WDR36: variants seen among roughly 807,000 people sequenced by gnomAD.
WDR36 encodes the protein WD repeat-containing protein 36.
WDR36 carries 63 observed loss-of-function variants against 112.7 expected under a neutral mutation model. The ratio of observed to expected loss-of-function variants is 0.56; its 90% CI spans 0.46 to 0.69. The LOEUF is 0.69. Ranked by LOEUF, WDR36 falls within the 30% of genes least tolerant of loss-of-function variation. The pLI is 0.00. For missense variants in WDR36, 1,226 were observed against 1,070.3 expected, an observed-to-expected ratio of 1.15 and a Z score of -2.03; for synonymous variants, 410 against 362.2, an observed-to-expected ratio of 1.13 and a Z score of -1.50.
chr5:111,102,269 C>G, intron 5 of WDR36, 76 bp from the exon 6 acceptor site: 7 of 1,124,136 alleles, frequency 6.2e-6, no homozygotes, highest in Non-Finnish European at 9.1e-6. Context: ...TATTATTTCA[C>G]TTTTTAATGT....
At chr5:111,099,398 A>C (rs2112566910) in intron 4 of WDR36, among the ~76,000 whole-genome samples, 1 of 147,740 alleles carries the variant, frequency 6.8e-6, no homozygotes, top group South Asian at 2.1e-4. Flanking sequence ...GAATCTTTTA[A>C]GTTCTTTAAT....
intron 8 of WDR36, 24 bp downstream of exon 8, chr5:111,104,376 T>A: frequency 1.2e-6 from 2 of 1,611,354 alleles, no homozygotes; most frequent in Non-Finnish European, 1.7e-6. Flanking sequence ...TGTTAACATC[T>A]TCCTGGCTCA....
rs569378344 is a variant in WDR36, at chr5:111,107,303, G to A, written c.1190G>A (p.Arg397His). Reference protein sequence around the residue: ...PITKFAAEEARESDWDGIIAC... With the variant: ...PITKFAAEEAHESDWDGIIAC... Reference sequence around the variant, plus strand: ...TTTCATTACGTTTTAGAGGAAGCTCGTGAAAGTGACTGGGATGGTATCATT... The same window carrying A: ...TTTCATTACGTTTTAGAGGAAGCTCATGAAAGTGACTGGGATGGTATCATT... The change falls in exon 12 of 23, where the codon CGT (arginine) becomes CAT (histidine). Residue 397 changes from arginine to histidine, a missense_variant. Coordinates refer to ENST00000513710, the MANE Select transcript of WDR36 (RefSeq NM_139281.3). 1.1e-5 allele frequency: 18 copies of A among 1,609,654 alleles called. No individual in the cohort carries two copies. The highest frequency in any genetic ancestry group is 4.5e-5 in the East Asian group (2 of 44,720).
At chr5:111,105,260 A>C (rs751944464) in intron 9 of WDR36, 35 bp from the exon 10 acceptor site, 31 of 1,592,596 alleles carry the variant, frequency 1.9e-5, no homozygotes, top group Non-Finnish European at 2.5e-5. Context: ...TGTTTTAATG[A>C]AGCTTGATTA....
rs746318536 is a variant in WDR36 at position 111,121,091 on chromosome 5, C to T, written c.2098C>T (p.Leu700Phe). The stretch of plus-strand genomic sequence containing the variant: ...GAATGAGCAATTGGTGACTCTTTCA[C>T]TTCTTCCTGAATCACGATGGAAAAA... ...QLNEQLVTLSLLPESRWKNLL... is the reference protein window; with the variant it reads ...QLNEQLVTLSFLPESRWKNLL... Residue 700 changes from leucine to phenylalanine, a missense_variant, in exon 19 of 23, where the codon CTT (leucine) becomes TTT (phenylalanine). Transcript: ENST00000513710. 21 of 1,613,500 alleles carry T rather than the reference C, an allele frequency of 1.3e-5. No individual in the cohort carries two copies. The East Asian group carries it at 4.2e-4, about 33-fold the overall frequency.
chr5:111,104,939 T>C, intron 9 of WDR36, 122 bp downstream of exon 9: 1 of 1,473,252 alleles, frequency 6.8e-7, no homozygotes, highest in Non-Finnish European at 9.4e-7. Flanking sequence ...CTTAGAAGTC[T>C]GGGTAAAACT....
At chr5:111,109,706 G>A (rs1753288853) in intron 12 of WDR36, among the ~76,000 whole-genome samples, 1 of 151,252 alleles carries the variant, frequency 6.6e-6, no homozygotes, top group Non-Finnish European at 1.5e-5. Flanking sequence ...TCTCTGTAGT[G>A]TCTTATATAT....
At chr5:111,125,014 G>C (rs1045935996) in intron 21 of WDR36, among the ~76,000 whole-genome samples, 1 of 152,198 alleles carries the variant, frequency 6.6e-6, no homozygotes, top group East Asian at 1.9e-4. Flanking sequence ...AAAAATAGCT[G>C]TAAGTGTACT....
At chr5:111,112,154 A>G (rs12515367) in intron 15 of WDR36, among the ~76,000 whole-genome samples, 39,509 of 151,718 alleles carry the variant, frequency 0.26, 6,066 homozygotes, top group Middle Eastern at 0.43. Context: ...ATTGTGCTGA[A>G]ATGGCACTTT....
intron 12 of WDR36, among the ~76,000 whole-genome samples, chr5:111,109,306 A>C (rs559674608): frequency 1.3e-5 from 2 of 151,456 alleles, no homozygotes; most frequent in African/African-American, 4.8e-5. Flanking sequence ...CTTTTTAACC[A>C]TAGTAATTTC....
Position 111,113,040 on chromosome 5 carries a change from ATATATATATATATT to A in WDR36, c.1717-32_1717-19del. On this transcript the variant is annotated intron_variant, in intron 15 of 22. Coordinates refer to ENST00000513710, the MANE Select transcript of WDR36 (RefSeq NM_139281.3). ...ATATATATTTATATATAAATAATAT[ATATATATATATATT>A]TTTTTTTTTTAATTTAAAGGCTTTT... is the stretch of plus-strand genomic sequence containing the variant. The A allele has an allele frequency of 2.7e-6, 1 of 368,880 alleles. No individual in the cohort carries two copies. Among genetic ancestry groups the A allele is most frequent in the Non-Finnish European group, 3.9e-6 (1 of 254,190 alleles). 22.9% of individuals were successfully genotyped at this position (368,880 alleles called of 1,614,324 possible). A position where few individuals can be genotyped will look rare whatever the true frequency, so the allele number is the denominator to read the frequency against.
chr5:111,107,340 A>G lies in WDR36; in HGVS notation c.1227A>G (p.Gln409=), dbSNP rs751563786. The G allele has an allele frequency of 6.2e-6, 10 of 1,610,600 alleles. No individual in the cohort carries two copies. The highest frequency in any genetic ancestry group is 8.5e-6 in the Non-Finnish European group (10 of 1,177,720). ...GGGATGGTATCATTGCTTGCCATCA[A>G]GGTAAGCTATCTTGCTCAACCTGGA... The part of the protein sequence containing the change: ...SDWDGIIACH[Q]GKLSCSTWNY... The change falls in exon 12 of 23, where the codon CAA becomes CAG. Residue 409 remains glutamine (Q), a synonymous_variant. Transcript: ENST00000513710.
chr5:111,094,835 T>G (rs535342982), intron 1 of WDR36, 85 bp from the exon 2 acceptor site: 3 of 1,090,030 alleles, frequency 2.8e-6, no homozygotes, highest in African/African-American at 3.1e-5. Flanking sequence ...AATATACGTA[T>G]GAGGTTATAT....
rs768299515 is a variant in WDR36 at position 111,128,058 on chromosome 5, CATT to C, written c.*1176_*1178del. The C allele has an allele frequency of 1.5e-4, 29 of 193,366 alleles. No individual in the cohort carries two copies. The highest frequency in any genetic ancestry group is 3.7e-4 in the Admixed American group (6 of 16,230). 12.0% of individuals were successfully genotyped at this position (193,366 alleles called of 1,614,324 possible). On this transcript the variant is annotated 3_prime_UTR_variant, in exon 23 of 23. Coordinates refer to ENST00000513710, the MANE Select transcript of WDR36 (RefSeq NM_139281.3). ...TGGAGTTTTCTTTTTTTCTCATCAT[CATT>C]GTTTTGTTTTTTTTATGGTTCAAGA... is the stretch of plus-strand genomic sequence containing the variant.
chr5:111,107,753 AT>A (rs1453332928), intron 12 of WDR36, among the ~76,000 whole-genome samples: 1 of 151,260 alleles, frequency 6.6e-6, no homozygotes, highest in Non-Finnish European at 1.5e-5. Flanking sequence ...TTCTTTCTCC[AT>A]TGAAAGATCT....
At chr5:111,105,790 A>T (rs1180671276) in intron 10 of WDR36, among the ~76,000 whole-genome samples, 1 of 151,610 alleles carries the variant, frequency 6.6e-6, no homozygotes, top group African/African-American at 2.4e-5. Context: ...ACAAAATCTT[A>T]CTTGGTTTTA....
chr5:111,127,631 C>A lies in WDR36; in HGVS notation c.*748C>A, dbSNP rs1317338871. ...CTAGTGCTTTCTCCATTGTAATGTA[C>A]TGAAAGGAAGTTGTTCATGGATCAG... is the stretch of plus-strand genomic sequence containing the variant. On this transcript the variant is annotated 3_prime_UTR_variant, in exon 23 of 23. Transcript: ENST00000513710. 5 of 210,016 alleles carry A rather than the reference C, an allele frequency of 2.4e-5. No individual in the cohort carries two copies. The highest frequency in any genetic ancestry group is 5.9e-5 in the Admixed American group (1 of 16,962). The allele number at this position is 210,016 out of a possible 1,614,324, so 13.0% of individuals were successfully genotyped here.
At chr5:111,095,684 C>T (rs899560648) in intron 2 of WDR36, among the ~76,000 whole-genome samples, 2 of 152,158 alleles carry the variant, frequency 1.3e-5, no homozygotes, top group Non-Finnish European at 2.9e-5. Flanking sequence ...CCTGGTTATA[C>T]ATATAGTCCA....
intron 8 of WDR36, 135 bp from the exon 9 acceptor site, chr5:111,104,562 C>T (rs1753186770): frequency 1.1e-5 from 15 of 1,417,860 alleles, no homozygotes; most frequent in Admixed American, 1.7e-5. Flanking sequence ...AATACCCACT[C>T]CCTCCCTTGT....
Sources: allele counts gnomAD v4.1 joint callset (sites outside exome capture counted in the v4.1 genomes callset), GRCh38; gene constraint gnomAD v4.1.1; transcripts MANE v1.5; gene names NCBI Gene and HGNC (gene_info 2026-07-23, HGNC 2026-07-21).